Variants in UNC5D observed in about 807,000 individuals in gnomAD.
UNC5D encodes the protein unc-5 netrin receptor D, also known as netrin receptor UNC5D.
UNC5D carries 39 observed loss-of-function variants against 105.4 expected under a neutral mutation model. The ratio of observed to expected loss-of-function variants is 0.37; its 90% CI spans 0.29 to 0.48. UNC5D has a LOEUF of 0.48. UNC5D is among the 20% of genes least tolerant of loss of function. The pLI is 0.98. For missense variants in UNC5D, 991 were observed against 1,202.4 expected, an observed-to-expected ratio of 0.82 and a Z score of 2.60; for synonymous variants, 452 against 450.4, an observed-to-expected ratio of 1.00 and a Z score of -0.04.
chr8:35,728,860 A>G (rs1402720225), intron 10 of UNC5D, among the ~76,000 whole-genome samples: 1 of 152,194 alleles, frequency 6.6e-6, no homozygotes, highest in Non-Finnish European at 1.5e-5. Flanking sequence ...AGTATGGGGT[A>G]TTATATTTTT....
chr8:35,564,404 C>T (rs1817182912), intron 2 of UNC5D, among the ~76,000 whole-genome samples: 2 of 152,118 alleles, frequency 1.3e-5, no homozygotes, highest in South Asian at 4.1e-4. Context: ...AGTCGCTTTA[C>T]CTCCTCCTAC....
intron 1 of UNC5D, among the ~76,000 whole-genome samples, chr8:35,281,852 T>C (rs1806203354): frequency 6.6e-6 from 1 of 152,220 alleles, no homozygotes; most frequent in African/African-American, 2.4e-5. Flanking sequence ...GTTTGGTGAA[T>C]AGAGTTATGA....
At chr8:35,570,208 G>T (rs921184759) in intron 3 of UNC5D, among the ~76,000 whole-genome samples, 1 of 152,154 alleles carries the variant, frequency 6.6e-6, no homozygotes, top group Non-Finnish European at 1.5e-5. Flanking sequence ...CATGTCTGAC[G>T]TGTGCCATCA....
intron 2 of UNC5D, among the ~76,000 whole-genome samples, chr8:35,558,129 A>C (rs1816691262): frequency 6.7e-6 from 1 of 148,606 alleles, no homozygotes; most frequent in Non-Finnish European, 1.5e-5. Context: ...TTCGTCTCAA[A>C]AAAAAAAAAA....
At chr8:35,657,231 G>A (rs1035052543) in intron 4 of UNC5D, among the ~76,000 whole-genome samples, 4 of 150,176 alleles carry the variant, frequency 2.7e-5, no homozygotes, top group African/African-American at 9.8e-5. Context: ...TGCACCTTGG[G>A]TTAAATCATG....
At chr8:35,480,116 A>G (rs1325202989) in intron 1 of UNC5D, among the ~76,000 whole-genome samples, 1 of 152,132 alleles carries the variant, frequency 6.6e-6, no homozygotes, top group Non-Finnish European at 1.5e-5. Context: ...ACTGTGTTGT[A>G]TTTCAGTAGC....
chr8:35,398,483 G>A lies in UNC5D; in HGVS notation c.104-150809G>A, dbSNP rs536496644. Among the ~76,000 whole-genome samples the A allele has an allele frequency of 2.6e-5, 4 of 151,742 alleles. No individual in the cohort carries two copies. In the South Asian group the frequency reaches 8.3e-4, roughly 32 times the overall value. On this transcript the variant is annotated intron_variant, in intron 1 of 16. Coordinates refer to ENST00000404895, the MANE Select transcript of UNC5D (RefSeq NM_080872.4). ...AGAGCTAGTAGATACTTTATAAATA[G>A]CCCCTTAATTTGTAATTAGATACTA...
intron 3 of UNC5D, among the ~76,000 whole-genome samples, chr8:35,590,339 A>G (rs1284760225): frequency 1.3e-5 from 2 of 151,596 alleles, no homozygotes; most frequent in African/African-American, 4.8e-5. Context: ...TTTTCCTAAG[A>G]TCCAATGAAT....
chr8:35,584,968 G>A (rs918934502), intron 3 of UNC5D, among the ~76,000 whole-genome samples: 2 of 152,082 alleles, frequency 1.3e-5, no homozygotes, highest in Admixed American at 1.3e-4. Flanking sequence ...GGCTGAACAC[G>A]ATAGATCTTA....
intron 1 of UNC5D, among the ~76,000 whole-genome samples, chr8:35,482,785 A>G (rs959707394): frequency 1.3e-5 from 2 of 148,924 alleles, no homozygotes. Flanking sequence ...GTGTGTCATT[A>G]AAGAGATCTT....
chr8:35,272,433 C>G (rs574042693), intron 1 of UNC5D, among the ~76,000 whole-genome samples: 1 of 152,128 alleles, frequency 6.6e-6, no homozygotes. Flanking sequence ...ACTTCAAGGT[C>G]AATATCCTTG....
At chr8:35,599,746 T>C (rs1283575890) in intron 4 of UNC5D, among the ~76,000 whole-genome samples, 1 of 152,166 alleles carries the variant, frequency 6.6e-6, no homozygotes, top group Admixed American at 6.6e-5. Flanking sequence ...TATGCAAATA[T>C]AAATTTATTA....
At chr8:35,566,742 G>A (rs936385452) in intron 2 of UNC5D, among the ~76,000 whole-genome samples, 20 of 152,168 alleles carry the variant, frequency 1.3e-4, no homozygotes, top group African/African-American at 4.8e-4. Flanking sequence ...GAGCGCATAG[G>A]TTCGAGACTT....
At chr8:35,698,256 C>G (rs2406165) in intron 7 of UNC5D, among the ~76,000 whole-genome samples, 7,801 of 147,756 alleles carry the variant, frequency 0.053, 407 homozygotes, top group African/African-American at 0.11. Context: ...TTTTTTTAGT[C>G]CATGTGTGGT....
At chr8:35,606,107 C>T (rs1196975887) in intron 4 of UNC5D, among the ~76,000 whole-genome samples, 5 of 151,916 alleles carry the variant, frequency 3.3e-5, no homozygotes, top group East Asian at 3.9e-4. Context: ...CCTGGCTCAG[C>T]CTCCTCTGTA....
intron 11 of UNC5D, among the ~76,000 whole-genome samples, chr8:35,734,782 A>ATTTTTTTTTTTT (rs1171276656): frequency 3.2e-5 from 4 of 126,722 alleles, no homozygotes; most frequent in African/African-American, 1.3e-4. Flanking sequence ...CACACTTTAA[A>ATTTTTTTTTTTT]TTTTTTTTTT....
At chr8:35,479,938 A>C (rs989365115) in intron 1 of UNC5D, among the ~76,000 whole-genome samples, 3 of 152,240 alleles carry the variant, frequency 2.0e-5, no homozygotes, top group African/African-American at 7.2e-5. Flanking sequence ...AAAATAGTAA[A>C]AGAAAAGTGC....
intron 1 of UNC5D, among the ~76,000 whole-genome samples, chr8:35,292,706 C>CT (rs1345936614): frequency 4.3e-5 from 6 of 138,860 alleles, no homozygotes; most frequent in East Asian, 2.0e-4. Flanking sequence ...GTAGTCCCTC[C>CT]TTTTTTTTCC....
At chr8:35,313,270 A>C (rs542442411) in intron 1 of UNC5D, among the ~76,000 whole-genome samples, 1 of 152,306 alleles carries the variant, frequency 6.6e-6, no homozygotes, top group South Asian at 2.1e-4. Flanking sequence ...ACTTTTCTTT[A>C]GTCATTTGGT....
Sources: gnomAD v4.1 joint callset for allele counts (sites outside exome capture counted in the v4.1 genomes callset) on GRCh38, gnomAD v4.1.1 for gene constraint, MANE v1.5 for transcripts, NCBI Gene and HGNC (gene_info 2026-07-23, HGNC 2026-07-21) for gene names.